Variants in GK5 observed in about 807,000 individuals in gnomAD.
The protein encoded by GK5 is glycerol kinase 5.
A neutral mutation model predicts 77.3 loss-of-function variants in GK5; 39 were observed. That is an observed-to-expected ratio of 0.50 (90% CI 0.39 to 0.66). The LOEUF (loss-of-function observed/expected upper bound fraction) is 0.66. Among genes scored for constraint, GK5 ranks in the 30% least tolerant of loss-of-function variants. The pLI, the probability that GK5 is intolerant of heterozygous loss-of-function variation, is 0.00. For synonymous variants in GK5, 211 were observed against 208.0 expected (o/e 1.01, Z -0.13); for missense variants, 487 against 633.8 (o/e 0.77, Z 2.49).
chr3:142,179,527 T>C, intron 11 of GK5, among the ~76,000 whole-genome samples: 1 of 152,074 alleles, frequency 6.6e-6, no homozygotes. Flanking sequence ...TTTAAAAAAA[T>C]TGGTTTTAAA....
intron 15 of GK5, among the ~76,000 whole-genome samples, chr3:142,166,850 A>T (rs996633157): frequency 1.3e-5 from 2 of 152,146 alleles, no homozygotes; most frequent in African/African-American, 4.8e-5. Flanking sequence ...ATTTATAACT[A>T]AGATCATAAG....
chr3:142,171,855 T>G (rs920034931), intron 13 of GK5, among the ~76,000 whole-genome samples: 1 of 152,156 alleles, frequency 6.6e-6, no homozygotes, highest in Non-Finnish European at 1.5e-5. Context: ...ACAATTACTT[T>G]GTAATCACAG....
intron 4 of GK5, 90 bp from the exon 5 acceptor site, chr3:142,199,023 T>C (rs2063978245): frequency 5.6e-6 from 5 of 893,482 alleles, no homozygotes; most frequent in Non-Finnish European, 8.3e-6. Flanking sequence ...ACAAACCCAA[T>C]AACAAGTCAT....
chr3:142,187,398 G>A (rs1016393279), intron 6 of GK5, among the ~76,000 whole-genome samples: 2 of 151,818 alleles, frequency 1.3e-5, no homozygotes, highest in Admixed American at 6.6e-5. Context: ...GAGTCCAGGA[G>A]TTCAAGACCA....
chr3:142,200,162 T>C (rs1261480415), intron 4 of GK5, among the ~76,000 whole-genome samples: 2 of 151,988 alleles, frequency 1.3e-5, no homozygotes, highest in Non-Finnish European at 2.9e-5. Context: ...TTGGTTTTTT[T>C]TGAGACAGAG....
chr3:142,183,494 C>T (rs538363825), intron 9 of GK5: 77 of 153,688 alleles, frequency 5.0e-4, no homozygotes, highest in Non-Finnish European at 8.4e-4. Context: ...TTCATTGAGA[C>T]GGAGTCTTAC....
intron 11 of GK5, among the ~76,000 whole-genome samples, chr3:142,181,031 A>C (rs1312804089): frequency 6.6e-6 from 1 of 152,188 alleles, no homozygotes; most frequent in Non-Finnish European, 1.5e-5. Context: ...CTGACACTGG[A>C]ACCACAGCCC....
At chr3:142,188,114 C>T (rs569003630) in intron 5 of GK5, among the ~76,000 whole-genome samples, 4 of 151,972 alleles carry the variant, frequency 2.6e-5, no homozygotes, top group African/African-American at 9.6e-5. Flanking sequence ...ATACACTAGT[C>T]GGCTGGGTGC....
chr3:142,169,809 A>G (rs1037462176), intron 15 of GK5, among the ~76,000 whole-genome samples: 8 of 151,254 alleles, frequency 5.3e-5, no homozygotes, highest in African/African-American at 1.9e-4. Context: ...AGTAGTTGGG[A>G]TTACAGGCAT....
In GK5 at chr3:142,198,884, C is replaced by T. The variant is rs1379885995; in HGVS notation, c.461G>A (p.Arg154Gln). ...AGTGAACAAACTGGCTGTAAAAAGTCGTTTACTTCTAGTGAAAAAGTGAAG... is the reference window on the plus strand; with the variant it reads ...AGTGAACAAACTGGCTGTAAAAAGTTGTTTACTTCTAGTGAAAAAGTGAAG... ...RVLHFFTRSK[R>Q]LFTASLFTFT... The change falls in exon 5 of 16, where the codon CGA becomes CAA. Residue 154 changes from arginine to glutamine, a missense_variant. Physicochemically the swap from Arg to Gln is conservative, Grantham distance 43. Transcript: ENST00000392993. 8 of 1,612,894 alleles carry T rather than the reference C, an allele frequency of 5.0e-6. No homozygotes were observed. The highest frequency in any genetic ancestry group is 3.3e-5 in the Admixed American group (2 of 59,918).
chr3:142,159,849 C>CTTTTTT lies in GK5; in HGVS notation c.*5772_*5773insAAAAAA, dbSNP rs1399191009. On this transcript the variant is annotated 3_prime_UTR_variant, in exon 16 of 16. Coordinates refer to ENST00000392993, the MANE Select transcript of GK5 (RefSeq NM_001039547.3). ...GGGCTTTCTCTCTCTCTCTCTCTCT[C>CTTTTTT]TCTCTTTTTTTTTTTTGAGACAGAG... 2.9e-5 allele frequency: 3 copies of CTTTTTT among 104,774 alleles called. No individual in the cohort carries two copies. Among genetic ancestry groups the CTTTTTT allele is most frequent in the African/African-American group, 8.1e-5 (2 of 24,562 alleles). The allele number at this position is 104,774 out of a possible 1,614,324, so 6.5% of individuals were successfully genotyped here. A position where few individuals can be genotyped will look rare whatever the true frequency, so the allele number is the denominator to read the frequency against.
intron 1 of GK5, among the ~76,000 whole-genome samples, chr3:142,216,713 A>G (rs967354594): frequency 6.6e-6 from 1 of 152,106 alleles, no homozygotes; most frequent in East Asian, 1.9e-4. Flanking sequence ...TTGTGTATGA[A>G]CTCTTAGGCT....
Position 142,180,405 on chromosome 3 carries a change from T to G in GK5, c.1048+1056A>C, listed in dbSNP as rs1352371078. On this transcript the variant is annotated intron_variant, in intron 11 of 15. Coordinates refer to ENST00000392993, the MANE Select transcript of GK5 (RefSeq NM_001039547.3). ...ACAACCTCCACCTCCTGGGTTCAAG[T>G]GATTCTCCTGCCTCAGCCTCCAGAG... Among the ~76,000 whole-genome samples, 3 of 151,766 alleles carry G rather than the reference T, an allele frequency of 2.0e-5. No individual in the cohort carries two copies. In the East Asian group the frequency reaches 5.8e-4, roughly 29 times the overall value.
intron 1 of GK5, among the ~76,000 whole-genome samples, chr3:142,217,141 G>A (rs1291389246): frequency 6.6e-6 from 1 of 152,138 alleles, no homozygotes; most frequent in Non-Finnish European, 1.5e-5. Context: ...CTGATAAACA[G>A]TCTAAAGCAG....
Position 142,215,639 on chromosome 3 carries a change from A to G in GK5, c.201T>C (p.Leu67=). The change falls in exon 2 of 16, where the codon CTT becomes CTC. Residue 67 remains leucine (L), a synonymous_variant. Coordinates refer to ENST00000392993, the MANE Select transcript of GK5 (RefSeq NM_001039547.3). ...TTATTACGGCAACAAATTGAATCCAAAGAACATCAGGATCAATTTCTACCC... is the reference window on the plus strand; with the variant it reads ...TTATTACGGCAACAAATTGAATCCAGAGAACATCAGGATCAATTTCTACCC... ...IGWVEIDPDV[L]WIQFVAVIKE... The G allele has an allele frequency of 6.3e-7, 1 of 1,598,024 alleles. No homozygotes were observed. The highest frequency in any genetic ancestry group is 8.6e-7 in the Non-Finnish European group (1 of 1,167,316).
chr3:142,191,731 A>C (rs975542126), intron 5 of GK5, among the ~76,000 whole-genome samples: 4 of 152,178 alleles, frequency 2.6e-5, no homozygotes, highest in Admixed American at 6.6e-5. Context: ...CTGAGGCAGG[A>C]GAATCACTTG....
chr3:142,183,158 T>C (rs148843548), intron 9 of GK5, 109 bp from the exon 10 acceptor site: 1 of 998,246 alleles, frequency 1.0e-6, no homozygotes, highest in African/African-American at 1.6e-5. Flanking sequence ...TTCGTTTCTT[T>C]TTCCTTTTCC....
chr3:142,185,414 A>G, intron 9 of GK5: 3 of 212,178 alleles, frequency 1.4e-5, no homozygotes, highest in African/African-American at 7.9e-4. Context: ...CCCTGTCTCA[A>G]AAAAAAAAAA....
intron 5 of GK5, among the ~76,000 whole-genome samples, chr3:142,191,771 G>A (rs780811179): frequency 1.3e-5 from 2 of 152,146 alleles, no homozygotes; most frequent in East Asian, 1.9e-4. Context: ...GCAGTGAGCC[G>A]AGATGATGCC....
Sources: gnomAD v4.1 joint callset for allele counts (sites outside exome capture counted in the v4.1 genomes callset) on GRCh38, gnomAD v4.1.1 for gene constraint, MANE v1.5 for transcripts, NCBI Gene and HGNC (gene_info 2026-07-23, HGNC 2026-07-21) for gene names.